ELFN1: variants seen among roughly 807,000 people sequenced by gnomAD.
The protein encoded by ELFN1 is extracellular leucine rich repeat and fibronectin type III domain containing 1, also known as protein ELFN1.
A neutral mutation model predicts 7.6 loss-of-function variants in ELFN1; 6 were observed. The observed-to-expected ratio is 0.79, with a 90% CI of 0.43 to 1.56. ELFN1 has a LOEUF of 1.56. Among genes scored for constraint, ELFN1 ranks in the 40% most tolerant of loss-of-function variants. The probability of loss-of-function intolerance (pLI) is 0.01; values close to 1 mark genes in which losing one functional copy is unlikely to be tolerated. For synonymous variants in ELFN1, 657 were observed against 588.1 expected, an observed-to-expected ratio of 1.12 and a Z score of -1.70; for missense variants, 1,169 against 1,232.2, an observed-to-expected ratio of 0.95 and a Z score of 0.77.
intron 3 of ELFN1, among the ~76,000 whole-genome samples, chr7:1,719,358 C>G (rs1290945840): frequency 6.8e-6 from 1 of 146,640 alleles, no homozygotes; most frequent in African/African-American, 2.6e-5. Context: ...CAGGGCCCCG[C>G]CCACCAACAG....
chr7:1,734,398 G>A (rs770515739), intron 3 of ELFN1, among the ~76,000 whole-genome samples: 11 of 152,214 alleles, frequency 7.2e-5, no homozygotes, highest in Non-Finnish European at 1.2e-4. Context: ...CCCCGTGGAA[G>A]CATAACAGAC....
rs985923707 is a variant in ELFN1, at chr7:1,695,300, G to C, written c.-456+7150G>C. On this transcript the variant is annotated intron_variant, in intron 2 of 3. Transcript: ENST00000424383. This position sits in a 1 kb window ranked among gnomAD's most constrained non-coding sequence, Gnocchi z 5.1. ...CCCAGCCCTTCCCAGCACCAGCTGC[G>C]TCCTCCTCCTCCAGGGCTGCAGCTC... 6.6e-6 allele frequency among the ~76,000 whole-genome samples: 1 copy of C among 152,164 alleles called. No individual in the cohort carries two copies. Among genetic ancestry groups the C allele is most frequent in the Non-Finnish European group, 1.5e-5 (1 of 68,032 alleles).
chr7:1,688,521 G>C (rs990737431), intron 2 of ELFN1, among the ~76,000 whole-genome samples: 3 of 152,104 alleles, frequency 2.0e-5, no homozygotes, highest in Non-Finnish European at 4.4e-5. Context: ...GAGATGTAAG[G>C]ATCAAGTGTC....
In ELFN1 at chr7:1,745,044, A is replaced by G. The variant is rs1780735932; in HGVS notation, c.448A>G (p.Ser150Gly). 6.4e-7 allele frequency: 1 copy of G among 1,551,104 alleles called. No individual in the cohort carries two copies. Among genetic ancestry groups the G allele is most frequent in the Non-Finnish European group, 8.7e-7 (1 of 1,146,984 alleles). ...CAACCTCATCGAGGTGGTCATGGCC[A>G]GCAGCTTCTGGGAGTGTCCCAACAT... ...QANLIEVVMA[S>G]SFWECPNIVN... is the part of the protein sequence containing the mutation. Residue 150 changes from serine to glycine, a missense_variant, in exon 4 of 4, where the codon AGC becomes GGC. Coordinates refer to ENST00000424383, the MANE Select transcript of ELFN1 (RefSeq NM_001128636.4).
chr7:1,711,619 A>AGG (rs1219908225), intron 3 of ELFN1, among the ~76,000 whole-genome samples: 32 of 138,144 alleles, frequency 2.3e-4, no homozygotes, highest in African/African-American at 9.0e-4. Context: ...AGAGAGAGAG[A>AGG]GAGAGAGAAT....
chr7:1,674,641 G>C (rs534204643), intron 1 of ELFN1, among the ~76,000 whole-genome samples: 20 of 152,244 alleles, frequency 1.3e-4, no homozygotes, highest in Middle Eastern at 3.4e-3. Context: ...TGACCCCCCC[G>C]CCCTCGACGT....
rs993679959 is a variant in ELFN1, at chr7:1,705,784, C to T, written c.-455-3307C>T. Among the ~76,000 whole-genome samples, 2 of 152,184 alleles carry T rather than the reference C, an allele frequency of 1.3e-5. No individual in the cohort carries two copies. Among genetic ancestry groups the T allele is most frequent in the Non-Finnish European group, 2.9e-5 (2 of 68,032 alleles). ...TCTGTAAAGTAGAGTCTTAGTGTCCCGGGATGGTCCTCGGGGAGGTCTGAT... is the reference window on the plus strand; with the variant it reads ...TCTGTAAAGTAGAGTCTTAGTGTCCTGGGATGGTCCTCGGGGAGGTCTGAT... On this transcript the variant is annotated intron_variant, in intron 2 of 3. Coordinates refer to ENST00000424383, the MANE Select transcript of ELFN1 (RefSeq NM_001128636.4). The surrounding 1 kb of genome is among the most constrained non-coding windows in gnomAD (Gnocchi z 4.3).
rs1412599808 is a variant in ELFN1, at chr7:1,746,675, G to A, written c.2079G>A (p.Glu693=). Residue 693 remains glutamate, a synonymous_variant, in exon 4 of 4, where the codon GAG becomes GAA. Coordinates refer to ENST00000424383, the MANE Select transcript of ELFN1 (RefSeq NM_001128636.4). ...CCGCGGCCGCCGTGCTGCGGGCCGAGGCCGAGAAGGGTCGCCAGTACGGCG... is the reference window on the plus strand; with the variant it reads ...CCGCGGCCGCCGTGCTGCGGGCCGAAGCCGAGAAGGGTCGCCAGTACGGCG... ...VTPAAAVLRA[E]AEKGRQYGEH... 5.0e-6 allele frequency: 7 copies of A among 1,405,106 alleles called. No individual in the cohort carries two copies. Among genetic ancestry groups the A allele is most frequent in the South Asian group, 1.5e-5 (1 of 68,272 alleles). The allele number at this position is 1,405,106 out of a possible 1,614,324, so 87.0% of individuals were successfully genotyped here.
intron 3 of ELFN1, among the ~76,000 whole-genome samples, chr7:1,730,116 C>T (rs376816893): frequency 5.9e-5 from 9 of 152,390 alleles, no homozygotes; most frequent in East Asian, 3.9e-4. Context: ...GCTTCTCTAT[C>T]GTTCACCCTG....
chr7:1,677,959 G>A (rs958598204), intron 1 of ELFN1, among the ~76,000 whole-genome samples: 2 of 152,010 alleles, frequency 1.3e-5, no homozygotes, highest in East Asian at 1.9e-4. Flanking sequence ...ACAGACATCC[G>A]GGCTTATTTT....
chr7:1,712,492 T>G (rs1002434912), intron 3 of ELFN1, among the ~76,000 whole-genome samples: 1 of 151,426 alleles, frequency 6.6e-6, no homozygotes, highest in Non-Finnish European at 1.5e-5. Flanking sequence ...AGTGCAATGG[T>G]GCAATCTCGG....
chr7:1,746,738 G>A lies in ELFN1; in HGVS notation c.2142G>A (p.Glu714=). 1.3e-6 allele frequency: 2 copies of A among 1,487,480 alleles called. No homozygotes were observed. The highest frequency in any genetic ancestry group is 1.8e-6 in the Non-Finnish European group (2 of 1,125,684). 92.1% of individuals were successfully genotyped at this position (1,487,480 alleles called of 1,614,324 possible). A position where few individuals can be genotyped will look rare whatever the true frequency, so the allele number is the denominator to read the frequency against. ...RHSYPGSHPA[E]PPAPPGPPPP... is the part of the protein sequence containing the mutation. Reference sequence around the variant, plus strand: ...CGTACCCCGGCTCCCACCCGGCCGAGCCACCTGCGCCCCCCGGGCCACCGC... The same window carrying A: ...CGTACCCCGGCTCCCACCCGGCCGAACCACCTGCGCCCCCCGGGCCACCGC... Residue 714 remains glutamate, a synonymous_variant, in exon 4 of 4, where the codon GAG becomes GAA. Coordinates refer to ENST00000424383, the MANE Select transcript of ELFN1 (RefSeq NM_001128636.4).
chr7:1,703,297 T>C (rs977954398), intron 2 of ELFN1, among the ~76,000 whole-genome samples: 4 of 152,222 alleles, frequency 2.6e-5, no homozygotes, highest in Non-Finnish European at 5.9e-5. Context: ...CATTTATCTG[T>C]CACATTCGCC....
At position 1,740,656 on chromosome 7, in the gene ELFN1, G is replaced by C. The variant is rs1256530910; in HGVS notation, c.-293-3648G>C. On this transcript the variant is annotated intron_variant, in intron 3 of 3. Coordinates refer to ENST00000424383, the MANE Select transcript of ELFN1 (RefSeq NM_001128636.4). The surrounding 1 kb of genome is among the most constrained non-coding windows in gnomAD (Gnocchi z 5.0). ...TGCCAGGTCCGCAGCCTCTGCCCTT[G>C]GGGACTCCTGGACCCGGGCCACCCC... is the stretch of plus-strand genomic sequence containing the variant. 6.6e-6 allele frequency among the ~76,000 whole-genome samples: 1 copy of C among 152,124 alleles called. No homozygotes were observed. The highest frequency in any genetic ancestry group is 2.4e-5 in the African/African-American group (1 of 41,420).
chr7:1,679,383 G>C (rs966607138), intron 1 of ELFN1, among the ~76,000 whole-genome samples: 4 of 152,148 alleles, frequency 2.6e-5, no homozygotes, highest in Non-Finnish European at 4.4e-5. Context: ...CCAAGCCTGG[G>C]GGTGCCTGGC....
chr7:1,713,569 G>A (rs1779730359), intron 3 of ELFN1, among the ~76,000 whole-genome samples: 1 of 152,176 alleles, frequency 6.6e-6, no homozygotes. Flanking sequence ...GGGGCTCTCT[G>A]GTATCCTGTG....
rs981545138 is a variant in ELFN1 at position 1,705,998 on chromosome 7, G to A, written c.-455-3093G>A. The stretch of plus-strand genomic sequence containing the variant: ...TTGTTCTACAGGGAGGGAAACTGAG[G>A]CACAGCATTCCAGGGGCTTGTCCAG... On this transcript the variant is annotated intron_variant, in intron 2 of 3. Coordinates refer to ENST00000424383, the MANE Select transcript of ELFN1 (RefSeq NM_001128636.4). The surrounding 1 kb of genome is among the most constrained non-coding windows in gnomAD (Gnocchi z 4.3). Among the ~76,000 whole-genome samples, 1 of 152,168 alleles carries A rather than the reference G, an allele frequency of 6.6e-6. No individual in the cohort carries two copies. The highest frequency in any genetic ancestry group is 1.5e-5 in the Non-Finnish European group (1 of 68,018).
intron 1 of ELFN1, among the ~76,000 whole-genome samples, chr7:1,686,808 C>T (rs1212246969): frequency 1.3e-5 from 2 of 152,128 alleles, no homozygotes; most frequent in Non-Finnish European, 2.9e-5. Flanking sequence ...TGGTACCCAT[C>T]CACTGGGCAC....
chr7:1,746,195 T>G lies in ELFN1; in HGVS notation c.1599T>G (p.Pro533=). ...GSYMEVRTGD[P]PERRDCELGR... ...ACATGGAGGTTCGAACCGGGGACCC[T>G]CCGGAACGCAGGGACTGTGAGCTGG... The change falls in exon 4 of 4, where the codon CCT becomes CCG. Residue 533 remains proline, a synonymous_variant. Coordinates refer to ENST00000424383, the MANE Select transcript of ELFN1 (RefSeq NM_001128636.4). The G allele has an allele frequency of 1.3e-6, 2 of 1,551,492 alleles. No homozygotes were observed. Among genetic ancestry groups the G allele is most frequent in the Non-Finnish European group, 1.7e-6 (2 of 1,148,316 alleles).
Sources: gnomAD v4.1 joint callset for allele counts (sites outside exome capture counted in the v4.1 genomes callset) on GRCh38, gnomAD v4.1.1 for gene constraint, Gnocchi (gnomAD v3.1) non-coding constraint, MANE v1.5 for transcripts, NCBI Gene and HGNC (gene_info 2026-07-23, HGNC 2026-07-21) for gene names.